SSBP3: variants seen among roughly 807,000 people sequenced by gnomAD.
SSBP3 encodes the protein single stranded DNA binding protein 3.
Under a neutral mutation model 69.6 loss-of-function variants are expected in SSBP3, and 5 were observed. The observed-to-expected ratio is 0.07, with a 90% CI of 0.04 to 0.15. The LOEUF is 0.15. SSBP3 is among the 10% of genes least tolerant of loss of function. The pLI, the probability that SSBP3 is intolerant of heterozygous loss-of-function variation, is 1.00. For missense variants in SSBP3, 312 were observed against 534.0 expected, an observed-to-expected ratio of 0.58 and a Z score of 4.10; for synonymous variants, 196 against 193.4, an observed-to-expected ratio of 1.01 and a Z score of -0.11.
At chr1:54,274,077 CCT>C (rs1645242796) in intron 5 of SSBP3, among the ~76,000 whole-genome samples, 1 of 152,192 alleles carries the variant, frequency 6.6e-6, no homozygotes, top group Admixed American at 6.5e-5. Flanking sequence ...TGACACAGCA[CCT>C]CTGTCCTCTT....
At chr1:54,294,159 A>AAAAGAAAGAAAG (rs747680453) in intron 4 of SSBP3, among the ~76,000 whole-genome samples, 34 of 86,182 alleles carry the variant, frequency 3.9e-4, no homozygotes, top group Non-Finnish European at 4.5e-4. Context: ...AAAAAAAAAA[A>AAAAGAAAGAAAG]AAAGAAAGAA....
intron 4 of SSBP3, among the ~76,000 whole-genome samples, chr1:54,376,190 G>GT (rs1647229818): frequency 1.3e-5 from 2 of 149,466 alleles, no homozygotes; most frequent in Non-Finnish European, 3.0e-5. Context: ...GTGCATGCGT[G>GT]GGTGTGTGTG....
chr1:54,344,710 G>T (rs962887045), intron 4 of SSBP3, among the ~76,000 whole-genome samples: 2 of 152,176 alleles, frequency 1.3e-5, no homozygotes, highest in African/African-American at 4.8e-5. Flanking sequence ...AGAGATGAGA[G>T]ATAGCAACAG....
Position 54,315,203 on chromosome 1 carries a change from G to A in SSBP3, c.277-33676C>T, listed in dbSNP as rs185738864. Among the ~76,000 whole-genome samples the A allele has an allele frequency of 5.9e-3, 893 of 152,196 alleles. 10 individuals are homozygous for A. Among genetic ancestry groups the A allele is most frequent in the African/African-American group, 0.021 (860 of 41,520 alleles). ...AGCACTGTCTGTACCCATTCCTCAAGGCCAAGGCTCTCTGGGCCACATAAC... is the reference window on the plus strand; with the variant it reads ...AGCACTGTCTGTACCCATTCCTCAAAGCCAAGGCTCTCTGGGCCACATAAC... On this transcript the variant is annotated intron_variant, in intron 4 of 17. Coordinates refer to ENST00000610401, the Ensembl canonical transcript of SSBP3.
At chr1:54,272,346 G>C (rs569436125) in intron 5 of SSBP3, among the ~76,000 whole-genome samples, 1 of 152,160 alleles carries the variant, frequency 6.6e-6, no homozygotes, top group Admixed American at 6.5e-5. Flanking sequence ...TGAAGGGGAG[G>C]TTCCTCCCAC....
chr1:54,271,558 G>A (rs1161215093), intron 5 of SSBP3, among the ~76,000 whole-genome samples: 3 of 152,190 alleles, frequency 2.0e-5, no homozygotes. Flanking sequence ...CCAGCCAAGT[G>A]CAGGGCCATC....
At chr1:54,299,501 GC>G (rs1645762683) in intron 4 of SSBP3, among the ~76,000 whole-genome samples, 1 of 118,684 alleles carries the variant, frequency 8.4e-6, no homozygotes, top group Admixed American at 8.6e-5. Flanking sequence ...GATAGAGGTG[GC>G]TTTTTTTTTT....
At chr1:54,375,148 T>C (rs1647196488) in intron 4 of SSBP3, among the ~76,000 whole-genome samples, 2 of 152,172 alleles carry the variant, frequency 1.3e-5, no homozygotes, top group Non-Finnish European at 2.9e-5. Flanking sequence ...CCCCAGGTGT[T>C]GGGCAGGACC....
chr1:54,234,768 G>C (rs995276145), intron 14 of SSBP3, among the ~76,000 whole-genome samples: 2 of 138,436 alleles, frequency 1.4e-5, no homozygotes, highest in Non-Finnish European at 3.2e-5. Flanking sequence ...TTTTATAAAA[G>C]AAAAAAAAAA....
chr1:54,297,173 G>C (rs916095514), intron 4 of SSBP3, among the ~76,000 whole-genome samples: 3 of 152,216 alleles, frequency 2.0e-5, no homozygotes, highest in Non-Finnish European at 4.4e-5. Context: ...TTAAGTAATG[G>C]AAGGGAAAGA....
chr1:54,229,740 C>A (rs1644350070), intron 14 of SSBP3, among the ~76,000 whole-genome samples: 3 of 152,136 alleles, frequency 2.0e-5, no homozygotes, highest in Admixed American at 1.3e-4. Flanking sequence ...ACTGCATCTG[C>A]ATCGAGTGGG....
chr1:54,288,880 T>C (rs1645542346), intron 4 of SSBP3, among the ~76,000 whole-genome samples: 2 of 150,358 alleles, frequency 1.3e-5, no homozygotes, highest in Non-Finnish European at 3.0e-5. Flanking sequence ...ATCAGCTGGG[T>C]GTGGTGGCGG....
intron 7 of SSBP3, among the ~76,000 whole-genome samples, chr1:54,255,185 T>C (rs575170219): frequency 6.4e-5 from 9 of 140,592 alleles, no homozygotes; most frequent in African/African-American, 2.4e-4. Context: ...GGCAGGGAGG[T>C]TGGGAAAACT....
intron 4 of SSBP3, among the ~76,000 whole-genome samples, chr1:54,285,168 T>C (rs1192739183): frequency 1.3e-5 from 2 of 152,320 alleles, no homozygotes; most frequent in Non-Finnish European, 2.9e-5. Context: ...CTGTTCTTCT[T>C]TGATTATGAA....
chr1:54,313,214 TC>T (rs1271159464), intron 4 of SSBP3, among the ~76,000 whole-genome samples: 1 of 151,564 alleles, frequency 6.6e-6, no homozygotes, highest in Non-Finnish European at 1.5e-5. Context: ...CAGGGACCAA[TC>T]GGGGTAATCA....
intron 9 of SSBP3, among the ~76,000 whole-genome samples, chr1:54,243,989 G>A (rs1287071370): frequency 6.6e-6 from 1 of 152,192 alleles, no homozygotes; most frequent in East Asian, 1.9e-4. Flanking sequence ...GAGTGCAGTA[G>A]TGCAATCATA....
exon 4 of SSBP3, chr1:54,401,874 G>C: frequency 6.2e-7 from 1 of 1,613,506 alleles, no homozygotes; most frequent in East Asian, 2.2e-5. Context: ...ATCATGAAAG[G>C]CTTTTGCTTC....
intron 5 of SSBP3, among the ~76,000 whole-genome samples, chr1:54,267,951 C>G (rs932315811): frequency 1.3e-5 from 2 of 152,212 alleles, no homozygotes; most frequent in Admixed American, 1.3e-4. Context: ...AGGCTGGCCT[C>G]AAACTCCTGA....
intron 14 of SSBP3, among the ~76,000 whole-genome samples, chr1:54,233,639 G>A (rs868474715): frequency 7.6e-4 from 112 of 147,694 alleles, no homozygotes; most frequent in Middle Eastern, 7.5e-3. Flanking sequence ...GGTGAGGGGC[G>A]CCTCTGCCCG....
Sources: gnomAD v4.1 joint callset for allele counts (sites outside exome capture counted in the v4.1 genomes callset) on GRCh38, gnomAD v4.1.1 for gene constraint, MANE v1.5 for transcripts, NCBI Gene and HGNC (gene_info 2026-07-23, HGNC 2026-07-21) for gene names.